Variants in SPECC1 observed in about 807,000 individuals in gnomAD.
The protein encoded by SPECC1 is sperm antigen with calponin homology and coiled-coil domains 1, also known as cytospin-B.
In SPECC1, 62 loss-of-function variants were observed where a neutral mutation model predicts 104.1. The ratio of observed to expected loss-of-function variants is 0.60; its 90% CI spans 0.49 to 0.74. The LOEUF is 0.74. SPECC1 is among the 30% of genes least tolerant of loss of function. The pLI is 0.00. For synonymous variants in SPECC1, 513 were observed against 501.6 expected (o/e 1.02, Z -0.30); for missense variants, 1,306 against 1,310.5 (o/e 1.00, Z 0.05).
chr17:20,279,800 G>A (rs2040705776), intron 12 of SPECC1, among the ~76,000 whole-genome samples: 1 of 152,168 alleles, frequency 6.6e-6, no homozygotes, highest in Non-Finnish European at 1.5e-5. Flanking sequence ...CTGTGGTTTT[G>A]GAAGACATGA....
In SPECC1 at chr17:20,110,574, C is replaced by G. The variant is rs376907900; in HGVS notation, c.283+12C>G. On this transcript the variant is annotated intron_variant, in intron 3 of 14. Coordinates refer to ENST00000395527, the MANE Select transcript of SPECC1 (RefSeq NM_001243439.2). ...GAGGAGCGGCACAGGTAGGAGGGAC[C>G]GGGCAGGTGGGCTCGGCAGGCCATC... is the stretch of plus-strand genomic sequence containing the variant. 8.1e-6 allele frequency: 13 copies of G among 1,605,366 alleles called. No individual in the cohort carries two copies. Among genetic ancestry groups the G allele is most frequent in the Non-Finnish European group, 1.1e-5 (13 of 1,176,014 alleles).
At chr17:20,233,988 C>T (rs1229355611) in intron 7 of SPECC1, among the ~76,000 whole-genome samples, 4 of 152,100 alleles carry the variant, frequency 2.6e-5, no homozygotes, top group South Asian at 2.1e-4. Flanking sequence ...GTGTTTCTTA[C>T]GTATACTCTG....
intron 3 of SPECC1, among the ~76,000 whole-genome samples, chr17:20,147,202 G>C (rs1260014758): frequency 6.6e-6 from 1 of 151,664 alleles, no homozygotes. Flanking sequence ...CTCCTGAGTA[G>C]CTGGGATTAC....
At chr17:20,124,836 T>C (rs2049206878) in intron 3 of SPECC1, among the ~76,000 whole-genome samples, 1 of 152,202 alleles carries the variant, frequency 6.6e-6, no homozygotes, top group African/African-American at 2.4e-5. Context: ...ATATCTTACA[T>C]AATTTATTGT....
chr17:20,136,487 TAA>T (rs2029991043), intron 3 of SPECC1, among the ~76,000 whole-genome samples: 1 of 152,020 alleles, frequency 6.6e-6, no homozygotes, highest in African/African-American at 2.4e-5. Context: ...AAACATTTTC[TAA>T]GTTTTATTCA....
chr17:20,318,880 CTG>C lies in SPECC1; in HGVS notation c.*4818_*4819del. The C allele has an allele frequency of 5.1e-6, 1 of 196,498 alleles. No individual in the cohort carries two copies. Among genetic ancestry groups the C allele is most frequent in the Non-Finnish European group, 1.0e-5 (1 of 95,370 alleles). The allele number at this position is 196,498 out of a possible 1,614,324, so 12.2% of individuals were successfully genotyped here. A position where few individuals can be genotyped will look rare whatever the true frequency, so the allele number is the denominator to read the frequency against. On this transcript the variant is annotated 3_prime_UTR_variant, in exon 15 of 15. Coordinates refer to ENST00000395527, the MANE Select transcript of SPECC1 (RefSeq NM_001243439.2). ...CATTAGTTGAGTGTAGTTGATACAT[CTG>C]TGGCCTCGTGTCTATAAAGAGCACA...
chr17:20,128,988 C>T (rs1312110949), intron 3 of SPECC1, among the ~76,000 whole-genome samples: 3 of 151,548 alleles, frequency 2.0e-5, no homozygotes, highest in Admixed American at 6.6e-5. Context: ...AAACTCCTGG[C>T]CTCAAACGAT....
intron 7 of SPECC1, among the ~76,000 whole-genome samples, chr17:20,234,628 C>T (rs2038798624): frequency 6.6e-6 from 1 of 152,196 alleles, no homozygotes; most frequent in South Asian, 2.1e-4. Flanking sequence ...TTGGTTCAGC[C>T]ACAGCCAAAG....
intron 3 of SPECC1, among the ~76,000 whole-genome samples, chr17:20,181,604 A>G (rs2034891802): frequency 6.6e-6 from 1 of 152,178 alleles, no homozygotes. Context: ...TATTGATGCA[A>G]TAAGGCAAAA....
chr17:20,227,641 A>T (rs369813424), intron 5 of SPECC1, 21 bp downstream of exon 5: 92 of 1,607,762 alleles, frequency 5.7e-5, no homozygotes, highest in Non-Finnish European at 7.0e-5. Flanking sequence ...TCTGCCAGGC[A>T]TGGTGGCTCA....
chr17:20,308,468 C>G (rs1350887448), intron 14 of SPECC1, among the ~76,000 whole-genome samples: 1 of 150,010 alleles, frequency 6.7e-6, no homozygotes, highest in Admixed American at 6.7e-5. Context: ...GAATGTACAT[C>G]TATTGTGAAA....
At chr17:20,195,170 A>C (rs1372125861) in intron 3 of SPECC1, among the ~76,000 whole-genome samples, 2 of 152,206 alleles carry the variant, frequency 1.3e-5, no homozygotes, top group Non-Finnish European at 2.9e-5. Context: ...CTCCAAAGTT[A>C]CAAGAAAACA....
chr17:20,208,421 A>T (rs2036922245), intron 4 of SPECC1, among the ~76,000 whole-genome samples: 2 of 152,252 alleles, frequency 1.3e-5, no homozygotes, highest in Admixed American at 1.3e-4. Context: ...AGCAAAACAT[A>T]GACCTCCTAA....
At chr17:20,180,782 G>A (rs1039625424) in intron 3 of SPECC1, among the ~76,000 whole-genome samples, 1 of 152,144 alleles carries the variant, frequency 6.6e-6, no homozygotes, top group Admixed American at 6.5e-5. Flanking sequence ...AAAAGCAAAA[G>A]TATAGAGGTT....
At chr17:20,209,197 T>C (rs566852756) in intron 4 of SPECC1, among the ~76,000 whole-genome samples, 159 of 152,294 alleles carry the variant, frequency 1.0e-3, no homozygotes, top group African/African-American at 3.8e-3. Context: ...AACTTCCAAA[T>C]ATAGCTGCCT....
intron 3 of SPECC1, among the ~76,000 whole-genome samples, chr17:20,202,975 A>G (rs1567932946): frequency 1.3e-5 from 2 of 152,154 alleles, no homozygotes; most frequent in East Asian, 1.9e-4. Context: ...ATGTTTAGTA[A>G]TGAATGCCAT....
chr17:20,161,794 C>CT (rs1555617817), intron 3 of SPECC1, among the ~76,000 whole-genome samples: 3 of 136,296 alleles, frequency 2.2e-5, no homozygotes, highest in African/African-American at 9.7e-5. Context: ...TTCTTTTTTT[C>CT]TTTCTTTTTT....
At chr17:20,153,887 A>G (rs1244127241) in intron 3 of SPECC1, among the ~76,000 whole-genome samples, 1 of 152,200 alleles carries the variant, frequency 6.6e-6, no homozygotes, top group Non-Finnish European at 1.5e-5. Flanking sequence ...TTAAAAGGGG[A>G]GGGAGTTGCA....
chr17:20,183,285 C>A (rs564168751), intron 3 of SPECC1, among the ~76,000 whole-genome samples: 13 of 152,280 alleles, frequency 8.5e-5, no homozygotes, highest in Non-Finnish European at 1.9e-4. Flanking sequence ...TGATTGCAAT[C>A]TTTTTTATAA....
Sources: gnomAD v4.1 joint callset for allele counts (sites outside exome capture counted in the v4.1 genomes callset) on GRCh38, gnomAD v4.1.1 for gene constraint, MANE v1.5 for transcripts, NCBI Gene and HGNC (gene_info 2026-07-23, HGNC 2026-07-21) for gene names.